LAMA3: variants seen among roughly 807,000 people sequenced by gnomAD.
LAMA3 encodes the protein laminin subunit alpha-3.
A neutral mutation model predicts 402.0 loss-of-function variants in LAMA3; 281 were observed. That is an observed-to-expected ratio of 0.70 (90% CI 0.63 to 0.77). The LOEUF (loss-of-function observed/expected upper bound fraction) is 0.77. Ranked by LOEUF, LAMA3 falls within the 30% of genes least tolerant of loss-of-function variation. The probability of loss-of-function intolerance (pLI) is 0.00; values close to 1 mark genes in which losing one functional copy is unlikely to be tolerated. For missense variants in LAMA3, 3,840 were observed against 4,215.5 expected, an observed-to-expected ratio of 0.91 and a Z score of 2.47; for synonymous variants, 1,431 against 1,558.4, an observed-to-expected ratio of 0.92 and a Z score of 1.93.
At chr18:23,756,024 G>A (rs753251585) in intron 6 of LAMA3, among the ~76,000 whole-genome samples, 34 of 152,272 alleles carry the variant, frequency 2.2e-4, no homozygotes, top group Non-Finnish European at 3.8e-4. Flanking sequence ...ACATATTCTT[G>A]AAGCAGTCTT....
chr18:23,876,611 C>A (rs183921229), intron 39 of LAMA3, among the ~76,000 whole-genome samples: 30 of 152,196 alleles, frequency 2.0e-4, no homozygotes, highest in African/African-American at 7.0e-4. Context: ...ATTAAAAGAG[C>A]GCTGCTGTCT....
chr18:23,723,975 C>T (rs116656030), intron 2 of LAMA3, among the ~76,000 whole-genome samples: 2,173 of 151,970 alleles, frequency 0.014, 48 homozygotes, highest in African/African-American at 0.05. Flanking sequence ...TTGGTGCACC[C>T]GTCACCCAAG....
chr18:23,744,859 C>CAAAAAAAAAAAAAAAAAAAAAAAAAAAAA (rs2061624332), intron 2 of LAMA3, among the ~76,000 whole-genome samples: 1 of 122,610 alleles, frequency 8.2e-6, no homozygotes, highest in African/African-American at 3.4e-5. Flanking sequence ...AAAAAAAAAT[C>CAAAAAAAAAAAAAAAAAAAAAAAAAAAAA]AAACGTTACC....
In LAMA3 at chr18:23,943,768, A is replaced by C. The variant is rs1001346253; in HGVS notation, c.9027-20A>C. The C allele has an allele frequency of 6.2e-7, 1 of 1,613,356 alleles. No individual in the cohort carries two copies. ...ACGCTGAACACCTCTATTTCCCTTCATCGCCGATGTTCCCAACAGGTCACA... is the reference window on the plus strand; with the variant it reads ...ACGCTGAACACCTCTATTTCCCTTCCTCGCCGATGTTCCCAACAGGTCACA... On this transcript the variant is annotated intron_variant, in intron 68 of 74. Transcript: ENST00000313654.
intron 39 of LAMA3, among the ~76,000 whole-genome samples, chr18:23,880,346 A>G (rs1370493386): frequency 6.6e-6 from 1 of 152,228 alleles, no homozygotes; most frequent in African/African-American, 2.4e-5. Flanking sequence ...AAATACTAAT[A>G]TCTTATGTTT....
intron 27 of LAMA3, among the ~76,000 whole-genome samples, chr18:23,840,365 C>A (rs908149564): frequency 8.1e-5 from 12 of 148,014 alleles, no homozygotes; most frequent in African/African-American, 2.8e-4. Flanking sequence ...GTTATTGTAG[C>A]CAAGAACCTT....
At chr18:23,786,878 A>C (rs1015190469) in intron 12 of LAMA3, among the ~76,000 whole-genome samples, 1 of 152,264 alleles carries the variant, frequency 6.6e-6, no homozygotes, top group African/African-American at 2.4e-5. Context: ...TGAAAAATTC[A>C]CTAAAGTGGC....
At chr18:23,777,339 T>A (rs563454638) in intron 10 of LAMA3, among the ~76,000 whole-genome samples, 1 of 152,274 alleles carries the variant, frequency 6.6e-6, no homozygotes, top group Admixed American at 6.5e-5. Flanking sequence ...GAAACATTCA[T>A]TTCTGTTCAT....
chr18:23,759,301 C>T (rs1256558031), intron 7 of LAMA3, among the ~76,000 whole-genome samples: 2 of 144,828 alleles, frequency 1.4e-5, no homozygotes, highest in Non-Finnish European at 3.0e-5. Context: ...CCACTGCACT[C>T]CAGCCTGGGT....
rs373122283 is a variant in LAMA3 at position 23,839,840 on chromosome 18, G to A, written c.3247G>A (p.Val1083Ile). ...ETPPTALILD[V>I]LSGRPFPHLP... ...TCCTCCAACAGCATTAATTTTGGAT[G>A]TTCTAAGTGGCAGGCCTTTCCCTCA... Residue 1083 changes from valine to isoleucine, a missense_variant, in exon 27 of 75, where the codon GTT becomes ATT. Val to Ile is a conservative substitution (Grantham distance 29). This residue lies in a region of LAMA3 where 2,109 missense variants were observed against 2,376.0 expected (regional missense o/e 0.89). Transcript: ENST00000313654. This position sits in a 1 kb window ranked among gnomAD's most constrained non-coding sequence, Gnocchi z 4.5. 1.9e-6 allele frequency: 3 copies of A among 1,614,022 alleles called. No individual in the cohort carries two copies. The highest frequency in any genetic ancestry group is 2.7e-5 in the African/African-American group (2 of 74,928).
chr18:23,811,980 T>C (rs931173965), intron 13 of LAMA3, among the ~76,000 whole-genome samples: 10 of 152,030 alleles, frequency 6.6e-5, no homozygotes, highest in African/African-American at 2.2e-4. Context: ...TTCAAGCGAT[T>C]CTCCTGCCTC....
At chr18:23,752,176 T>C (rs1166136175) in intron 5 of LAMA3, among the ~76,000 whole-genome samples, 1 of 152,170 alleles carries the variant, frequency 6.6e-6, no homozygotes, top group Non-Finnish European at 1.5e-5. Context: ...TCTGAGCTTC[T>C]GTGTAGTTGG....
At chr18:23,702,379 G>T (rs1384348822) in intron 1 of LAMA3, among the ~76,000 whole-genome samples, 1 of 152,108 alleles carries the variant, frequency 6.6e-6, no homozygotes, top group African/African-American at 2.4e-5. Flanking sequence ...TGCCCAGGCT[G>T]GAGTGTAGTG....
chr18:23,745,824 T>G (rs565442815), intron 2 of LAMA3, among the ~76,000 whole-genome samples: 6 of 152,338 alleles, frequency 3.9e-5, no homozygotes, highest in African/African-American at 1.4e-4. Flanking sequence ...TGTGGGAGTT[T>G]GGTGGAAGGG....
At chr18:23,941,231 C>T (rs1475927916) in intron 68 of LAMA3, among the ~76,000 whole-genome samples, 2 of 151,918 alleles carry the variant, frequency 1.3e-5, no homozygotes, top group Admixed American at 6.6e-5. Flanking sequence ...CCACCGCGCC[C>T]GGCCAACCTC....
At chr18:23,698,186 T>C (rs1568086889) in intron 1 of LAMA3, among the ~76,000 whole-genome samples, 1 of 150,576 alleles carries the variant, frequency 6.6e-6, no homozygotes, top group Non-Finnish European at 1.5e-5. Flanking sequence ...GGAACCAGCC[T>C]GTTTCTCTTC....
At chr18:23,714,163 A>T in intron 2 of LAMA3, 91 bp downstream of exon 2, 1 of 1,021,106 alleles carries the variant, frequency 9.8e-7, no homozygotes. Context: ...TAAAAAAAAA[A>T]CAAACTTCAG....
chr18:23,819,665 A>G (rs1372271456), intron 18 of LAMA3, among the ~76,000 whole-genome samples, 176 bp from the exon 19 acceptor site: 1 of 152,204 alleles, frequency 6.6e-6, no homozygotes, highest in Admixed American at 6.5e-5. Context: ...GTGAATGTTT[A>G]TGTGAATTAA....
chr18:23,926,022 T>C (rs1319566455), intron 62 of LAMA3, among the ~76,000 whole-genome samples: 1 of 152,190 alleles, frequency 6.6e-6, no homozygotes, highest in African/African-American at 2.4e-5. Flanking sequence ...ACATCTATAG[T>C]ATGGGCATAG....
Sources: gnomAD v4.1 joint callset for allele counts (sites outside exome capture counted in the v4.1 genomes callset) on GRCh38, gnomAD v4.1.1 for gene constraint, gnomAD v4.1.1 regional missense constraint, Gnocchi (gnomAD v3.1) non-coding constraint, MANE v1.5 for transcripts, NCBI Gene and HGNC (gene_info 2026-07-23, HGNC 2026-07-21) for gene names.